The following SLC35F1 variants were observed in gnomAD, a reference collection of about 807,000 sequenced individuals.
SLC35F1 encodes solute carrier family 35 member F1.
SLC35F1 carries 14 observed loss-of-function variants against 48.7 expected under a neutral mutation model. The ratio of observed to expected loss-of-function variants is 0.29; its 90% confidence interval spans 0.19 to 0.45. The LOEUF is 0.45. SLC35F1 is among the 20% of genes least tolerant of loss of function. SLC35F1 has a pLI of 1.00. For missense variants in SLC35F1, 404 were observed against 500.0 expected (o/e 0.81, Z 1.83); for synonymous variants, 190 against 202.2 (o/e 0.94, Z 0.51).
intron 2 of SLC35F1, among the ~76,000 whole-genome samples, chr6:118,219,126 TAATA>T (rs1415457018): frequency 1.3e-5 from 2 of 152,172 alleles, no homozygotes; most frequent in African/African-American, 4.8e-5. Flanking sequence ...CGTTGGCACA[TAATA>T]AATAAGTGGA....
intron 1 of SLC35F1, among the ~76,000 whole-genome samples, chr6:118,060,132 C>T (rs1772517583): frequency 6.6e-6 from 1 of 152,168 alleles, no homozygotes; most frequent in African/African-American, 2.4e-5. Flanking sequence ...TTGTATGCTT[C>T]CTCCTCATTA....
chr6:118,272,984 T>A (rs1775876239), intron 4 of SLC35F1, among the ~76,000 whole-genome samples: 2 of 148,988 alleles, frequency 1.3e-5, no homozygotes, highest in African/African-American at 2.6e-5. Context: ...ATTAACTAAA[T>A]TTTAATGTAT....
intron 1 of SLC35F1, among the ~76,000 whole-genome samples, chr6:117,986,027 ATC>A (rs1273590461): frequency 6.6e-6 from 1 of 152,222 alleles, no homozygotes; most frequent in Non-Finnish European, 1.5e-5. Flanking sequence ...CTATGTTTTC[ATC>A]TCTTTCTCAC....
chr6:118,077,597 G>C (rs1355050444), intron 1 of SLC35F1, among the ~76,000 whole-genome samples: 3 of 152,272 alleles, frequency 2.0e-5, no homozygotes, highest in Non-Finnish European at 2.9e-5. Context: ...TACGTGTAAA[G>C]TAGTTACTCA....
intron 1 of SLC35F1, among the ~76,000 whole-genome samples, chr6:117,914,065 A>G (rs1320504942): frequency 6.6e-6 from 1 of 151,330 alleles, no homozygotes; most frequent in Non-Finnish European, 1.5e-5. Flanking sequence ...AAATCCCCCC[A>G]AAAACAAAAA....
intron 1 of SLC35F1, among the ~76,000 whole-genome samples, chr6:118,063,105 G>A (rs1021441978): frequency 1.3e-5 from 2 of 151,880 alleles, no homozygotes; most frequent in Admixed American, 6.6e-5. Flanking sequence ...GGAGAGGAGG[G>A]ATCAATCTAC....
At chr6:117,985,039 G>A (rs1776831095) in intron 1 of SLC35F1, among the ~76,000 whole-genome samples, 1 of 152,158 alleles carries the variant, frequency 6.6e-6, no homozygotes, top group Admixed American at 6.5e-5. Context: ...TGCACAGAAA[G>A]CTAAGAATAC....
chr6:118,100,006 T>C (rs1341249205), intron 1 of SLC35F1, among the ~76,000 whole-genome samples: 1 of 152,206 alleles, frequency 6.6e-6, no homozygotes, highest in Admixed American at 6.5e-5. Context: ...TATGAACCCT[T>C]GAGAGCATTT....
intron 1 of SLC35F1, among the ~76,000 whole-genome samples, chr6:118,082,442 A>G (rs1187759419): frequency 7.9e-5 from 12 of 152,204 alleles, no homozygotes; most frequent in Non-Finnish European, 4.4e-5. Context: ...TTTATCACTG[A>G]TAGGAGAGGA....
intron 1 of SLC35F1, among the ~76,000 whole-genome samples, chr6:117,997,300 G>A (rs2114863071): frequency 6.6e-6 from 1 of 152,316 alleles, no homozygotes; most frequent in East Asian, 1.9e-4. Context: ...ACGTCTGATT[G>A]GTGTACCTGA....
intron 1 of SLC35F1, among the ~76,000 whole-genome samples, chr6:117,984,341 T>C (rs897275208): frequency 6.6e-6 from 1 of 151,892 alleles, no homozygotes; most frequent in African/African-American, 2.4e-5. Context: ...CTACTAAAAA[T>C]ACAAAAGATT....
At chr6:118,208,383 G>C (rs1774964151) in intron 2 of SLC35F1, among the ~76,000 whole-genome samples, 1 of 152,222 alleles carries the variant, frequency 6.6e-6, no homozygotes, top group Admixed American at 6.5e-5. Flanking sequence ...ACCTATCACA[G>C]AGTGTGAGCA....
intron 1 of SLC35F1, among the ~76,000 whole-genome samples, chr6:118,113,342 C>T (rs768079274): frequency 6.6e-6 from 1 of 152,146 alleles, no homozygotes; most frequent in African/African-American, 2.4e-5. Flanking sequence ...TTGACCCAGC[C>T]TCCCAAAGTG....
intron 2 of SLC35F1, among the ~76,000 whole-genome samples, chr6:118,224,864 T>A (rs1417630329): frequency 6.6e-6 from 1 of 152,136 alleles, no homozygotes; most frequent in East Asian, 1.9e-4. Flanking sequence ...CAAGGCTAAT[T>A]TGACTTTTTC....
intron 2 of SLC35F1, among the ~76,000 whole-genome samples, chr6:118,222,861 A>T (rs1438352794): frequency 1.3e-5 from 2 of 152,162 alleles, no homozygotes; most frequent in Non-Finnish European, 2.9e-5. Flanking sequence ...TGAGTGCCTC[A>T]TTGCTATTTT....
chr6:118,057,118 C>G (rs1020413008), intron 1 of SLC35F1, among the ~76,000 whole-genome samples: 1 of 152,068 alleles, frequency 6.6e-6, no homozygotes, highest in Non-Finnish European at 1.5e-5. Context: ...AATTTAAACT[C>G]CAGAGTCTAT....
intron 7 of SLC35F1, among the ~76,000 whole-genome samples, chr6:118,294,411 C>T (rs145273215): frequency 3.9e-5 from 6 of 152,280 alleles, no homozygotes; most frequent in Non-Finnish European, 7.4e-5. Flanking sequence ...TATGCCATCG[C>T]GTGCTGAACA....
At chr6:118,044,666 G>T (rs909068493) in intron 1 of SLC35F1, among the ~76,000 whole-genome samples, 2 of 152,046 alleles carry the variant, frequency 1.3e-5, no homozygotes, top group African/African-American at 4.8e-5. Flanking sequence ...AAATAATTAA[G>T]AATTATTCCA....
At chr6:118,272,668 A>G (rs556622560) in intron 4 of SLC35F1, among the ~76,000 whole-genome samples, 2 of 150,694 alleles carry the variant, frequency 1.3e-5, no homozygotes, top group East Asian at 3.9e-4. Context: ...ATAATTTTAT[A>G]GTAAAGGGTT....
Sources: allele counts gnomAD v4.1 joint callset (sites outside exome capture counted in the v4.1 genomes callset), GRCh38; gene constraint gnomAD v4.1.1; transcripts MANE v1.5; gene names NCBI Gene and HGNC (gene_info 2026-07-23, HGNC 2026-07-21).